Variants in SNX18 observed in about 807,000 individuals in gnomAD.
SNX18 encodes sorting nexin-18.
Under a neutral mutation model 48.7 loss-of-function variants are expected in SNX18, and 35 were observed. The ratio of observed to expected loss-of-function variants is 0.72; its 90% CI spans 0.55 to 0.95. SNX18 has a LOEUF of 0.95. Among genes scored for constraint, SNX18 ranks in the 40% least tolerant of loss-of-function variants. The probability of loss-of-function intolerance (pLI) is 0.00; values close to 1 mark genes in which losing one functional copy is unlikely to be tolerated. For synonymous variants in SNX18, 492 were observed against 384.7 expected, an observed-to-expected ratio of 1.28 and a Z score of -3.26; for missense variants, 824 against 871.0, an observed-to-expected ratio of 0.95 and a Z score of 0.68.
At chr5:54,547,236 C>T (rs992553437), downstream of SNX18, among the ~76,000 whole-genome samples, 1 of 152,192 alleles carries the variant, frequency 6.6e-6, no homozygotes, top group Non-Finnish European at 1.5e-5. Context: ...GAGAGCTACA[C>T]TTAAAAGTAT....
At chr5:54,640,266 T>A in the SNX18 span, among the ~76,000 whole-genome samples, 2 of 151,334 alleles carry the variant, frequency 1.3e-5, no homozygotes, top group Admixed American at 1.3e-4. Flanking sequence ...CAGACTGGAG[T>A]GCGGTAGCTC....
the SNX18 span, among the ~76,000 whole-genome samples, chr5:54,577,869 G>A: frequency 6.6e-6 from 1 of 152,186 alleles, no homozygotes; most frequent in Non-Finnish European, 1.5e-5. Flanking sequence ...TGGTGGTGGT[G>A]GGAATGCCCA....
the SNX18 span, among the ~76,000 whole-genome samples, chr5:54,638,168 T>C: frequency 6.6e-6 from 1 of 152,262 alleles, no homozygotes; most frequent in East Asian, 1.9e-4. Context: ...GCTGCATAGA[T>C]AGTATGTTGA....
At chr5:54,566,681 G>T in the SNX18 span, among the ~76,000 whole-genome samples, 4 of 152,194 alleles carry the variant, frequency 2.6e-5, no homozygotes, top group Non-Finnish European at 5.9e-5. Flanking sequence ...TTGTTTTAAG[G>T]GTTAGGCCAG....
At chr5:54,586,216 C>T in the SNX18 span, among the ~76,000 whole-genome samples, 3 of 152,098 alleles carry the variant, frequency 2.0e-5, no homozygotes, top group African/African-American at 7.2e-5. Flanking sequence ...TTTTGTTTTC[C>T]TTTACCTTGG....
the SNX18 span, among the ~76,000 whole-genome samples, chr5:54,576,794 T>TTGC: frequency 7.2e-6 from 1 of 139,676 alleles, no homozygotes; most frequent in Non-Finnish European, 1.6e-5. Flanking sequence ...TGTTTGTTTG[T>TTGC]TTGTTTGCTT....
chr5:54,581,534 T>G, the SNX18 span, among the ~76,000 whole-genome samples: 6 of 152,028 alleles, frequency 3.9e-5, no homozygotes, highest in African/African-American at 1.4e-4. Flanking sequence ...CCACCAGACT[T>G]CTCCCTGGGC....
the SNX18 span, among the ~76,000 whole-genome samples, chr5:54,561,401 T>C: frequency 6.6e-6 from 1 of 151,830 alleles, no homozygotes; most frequent in African/African-American, 2.4e-5. Flanking sequence ...TAGTCTGGGG[T>C]GCAGTGGCTT....
At chr5:54,526,822 A>T (rs574679737) in intron 1 of SNX18, among the ~76,000 whole-genome samples, 1 of 152,298 alleles carries the variant, frequency 6.6e-6, no homozygotes, top group African/African-American at 2.4e-5. Flanking sequence ...AGAAAACAGT[A>T]GAGCAGGGAA....
the SNX18 span, among the ~76,000 whole-genome samples, chr5:54,613,693 C>CT: frequency 6.6e-6 from 1 of 152,090 alleles, no homozygotes; most frequent in Admixed American, 6.6e-5. Context: ...CTAAGGCCCT[C>CT]TTTTTTTGTT....
chr5:54,569,136 C>G, the SNX18 span, among the ~76,000 whole-genome samples: 1 of 151,640 alleles, frequency 6.6e-6, no homozygotes, highest in Non-Finnish European at 1.5e-5. Context: ...AGCCACCGCG[C>G]CCAACCACAT....
the SNX18 span, among the ~76,000 whole-genome samples, chr5:54,630,849 A>G: frequency 4.7e-5 from 7 of 149,140 alleles, no homozygotes; most frequent in South Asian, 2.1e-4. Context: ...AAAAAAAAAA[A>G]AGAGACCTCA....
rs1303089176 is a variant in SNX18, at chr5:54,545,052, A to G, written c.*1620A>G. 1 of 152,158 alleles carries G rather than the reference A, an allele frequency of 6.6e-6. No homozygotes were observed. Among genetic ancestry groups the G allele is most frequent in the Non-Finnish European group, 1.5e-5 (1 of 68,028 alleles). 9.4% of individuals were successfully genotyped at this position (152,158 alleles called of 1,614,324 possible). A position where few individuals can be genotyped will look rare whatever the true frequency, so the allele number is the denominator to read the frequency against. ...TTACTGAACAGCACATTTTCTCTCT[A>G]AAAAGTAGTTTCATATGGGTTGTAT... On this transcript the variant is annotated 3_prime_UTR_variant, in exon 2 of 2. Transcript: ENST00000381410.
the SNX18 span, among the ~76,000 whole-genome samples, chr5:54,598,918 A>G: frequency 6.6e-6 from 1 of 152,220 alleles, no homozygotes; most frequent in Non-Finnish European, 1.5e-5. Context: ...AAGGTATTCA[A>G]ATATGAAGGG....
the SNX18 span, among the ~76,000 whole-genome samples, chr5:54,628,234 C>T: frequency 1.8e-4 from 28 of 152,164 alleles, no homozygotes; most frequent in Non-Finnish European, 4.0e-4. Flanking sequence ...AGCCACTTAA[C>T]CAGGAAGGTC....
At chr5:54,600,661 GATA>G in the SNX18 span, among the ~76,000 whole-genome samples, 5 of 152,170 alleles carry the variant, frequency 3.3e-5, no homozygotes, top group Non-Finnish European at 7.3e-5. Context: ...TAATGAATGA[GATA>G]ATGTTCTTTG....
At chr5:54,547,528 G>A (rs572194882), downstream of SNX18, among the ~76,000 whole-genome samples, 1 of 152,242 alleles carries the variant, frequency 6.6e-6, no homozygotes, top group African/African-American at 2.4e-5. Context: ...ATCATTCTTT[G>A]GGCACTGGGC....
chr5:54,626,996 G>A, the SNX18 span, among the ~76,000 whole-genome samples: 4 of 152,174 alleles, frequency 2.6e-5, no homozygotes, highest in African/African-American at 9.7e-5. Context: ...GGTTCTTAAC[G>A]TTTTTCAATA....
chr5:54,622,065 T>A, the SNX18 span, among the ~76,000 whole-genome samples: 1 of 152,278 alleles, frequency 6.6e-6, no homozygotes, highest in Admixed American at 6.5e-5. Context: ...CGAGGAGAGC[T>A]GCCTTTGGCT....
Sources: gnomAD v4.1 joint callset for allele counts (sites outside exome capture counted in the v4.1 genomes callset) on GRCh38, gnomAD v4.1.1 for gene constraint, MANE v1.5 for transcripts, NCBI Gene and HGNC (gene_info 2026-07-23, HGNC 2026-07-21) for gene names.